Variants in ONECUT2 observed in about 807,000 individuals in gnomAD.
ONECUT2 encodes one cut homeobox 2.
Under a neutral mutation model 27.9 loss-of-function variants are expected in ONECUT2, and 10 were observed. That is an observed-to-expected ratio of 0.36 (90% confidence interval 0.22 to 0.61). The LOEUF (loss-of-function observed/expected upper bound fraction) is 0.61, where lower values mean the gene tolerates loss of function less well. ONECUT2 is among the 20% of genes least tolerant of loss of function. The pLI is 0.73. For synonymous variants in ONECUT2, 334 were observed against 315.1 expected (o/e 1.06, Z -0.64); for missense variants, 686 against 721.0 (o/e 0.95, Z 0.56).
Position 57,485,227 on chromosome 18 carries a change from T to C in ONECUT2, c.*8504T>C, listed in dbSNP as rs1056248976. 2 of 152,228 alleles carry C rather than the reference T, an allele frequency of 1.3e-5. No individual in the cohort carries two copies. Among genetic ancestry groups the C allele is most frequent in the African/African-American group, 4.8e-5 (2 of 41,460 alleles). The allele number at this position is 152,228 out of a possible 1,614,324, so 9.4% of individuals were successfully genotyped here. A position where few individuals can be genotyped will look rare whatever the true frequency, so the allele number is the denominator to read the frequency against. On this transcript the variant is annotated 3_prime_UTR_variant, in exon 2 of 2. Coordinates refer to ENST00000491143, the MANE Select transcript of ONECUT2 (RefSeq NM_004852.3). ...ATCAAGAAAGGGAACTTGACCACCA[T>C]TGGCACATGTGACATTTAAGCTCTT...
intron 1 of ONECUT2, among the ~76,000 whole-genome samples, chr18:57,473,721 A>G (rs998273865): frequency 2.0e-5 from 3 of 152,206 alleles, no homozygotes; most frequent in African/African-American, 7.2e-5. Flanking sequence ...CTGCGTTTTG[A>G]TGAGCCCTCC....
chr18:57,474,425 A>G (rs1354498302), intron 1 of ONECUT2, among the ~76,000 whole-genome samples: 1 of 152,192 alleles, frequency 6.6e-6, no homozygotes, highest in Non-Finnish European at 1.5e-5. Flanking sequence ...GTGCTTATAA[A>G]CAATAGAAGT....
At chr18:57,455,787 G>A (rs922724725) in intron 1 of ONECUT2, among the ~76,000 whole-genome samples, 9 of 151,508 alleles carry the variant, frequency 5.9e-5, no homozygotes, top group Admixed American at 1.3e-4. Context: ...GGGGAGGGAC[G>A]TCTTAGGGAA....
At position 57,436,175 on chromosome 18, in the gene ONECUT2, G is replaced by T. The variant is rs759271615; in HGVS notation, c.459G>T (p.Pro153=). 5 of 1,605,656 alleles carry T rather than the reference G, an allele frequency of 3.1e-6. No homozygotes were observed. Among genetic ancestry groups the T allele is most frequent in the African/African-American group, 1.3e-5 (1 of 74,820 alleles). ...GCAACACCTACACCACGCTGACACC[G>T]CTCCAGCCGCTGCCACCCATCTCCA... ...GMSNTYTTLT[P]LQPLPPISTV... The change falls in exon 1 of 2, where the codon CCG becomes CCT. Residue 153 remains proline (P), a synonymous_variant. Coordinates refer to ENST00000491143, the MANE Select transcript of ONECUT2 (RefSeq NM_004852.3). The surrounding 1 kb of genome is among the most constrained non-coding windows in gnomAD (Gnocchi z 5.9).
intron 1 of ONECUT2, among the ~76,000 whole-genome samples, chr18:57,473,369 G>A (rs1489871161): frequency 6.6e-6 from 1 of 152,222 alleles, no homozygotes; most frequent in Non-Finnish European, 1.5e-5. Context: ...CTAGCTCAGA[G>A]TTACTGGGGT....
At chr18:57,441,515 C>G (rs571656776) in intron 1 of ONECUT2, among the ~76,000 whole-genome samples, 1 of 152,362 alleles carries the variant, frequency 6.6e-6, no homozygotes, top group Admixed American at 6.5e-5. Flanking sequence ...CACCCCCTCC[C>G]CCGACCTCTG....
Position 57,481,257 on chromosome 18 carries a change from AT to A in ONECUT2, c.*4535del, listed in dbSNP as rs2122160885. 1 of 152,366 alleles carries A rather than the reference AT, an allele frequency of 6.6e-6. No homozygotes were observed. Among genetic ancestry groups the A allele is most frequent in the African/African-American group, 2.4e-5 (1 of 41,586 alleles). The allele number at this position is 152,366 out of a possible 1,614,324, so 9.4% of individuals were successfully genotyped here. A position where few individuals can be genotyped will look rare whatever the true frequency, so the allele number is the denominator to read the frequency against. ...AAGAAGTGTTTAGCTTGCACCATGC[AT>A]AAAGGTGCAGGCTAGTTGAACCAGG... On this transcript the variant is annotated 3_prime_UTR_variant, in exon 2 of 2. Transcript: ENST00000491143.
chr18:57,465,801 G>C (rs1044481938), intron 1 of ONECUT2, among the ~76,000 whole-genome samples: 2 of 152,144 alleles, frequency 1.3e-5, no homozygotes, highest in African/African-American at 4.8e-5. Context: ...CTGGATGTTA[G>C]TGCACTCATT....
chr18:57,457,661 C>T (rs957685849), intron 1 of ONECUT2, among the ~76,000 whole-genome samples: 4 of 152,156 alleles, frequency 2.6e-5, no homozygotes, highest in Admixed American at 2.0e-4. Context: ...TTCTTAAAAA[C>T]ATTTTTTATC....
rs1271324353 is a variant in ONECUT2 at position 57,477,603 on chromosome 18, A to G, written c.*880A>G. ...AATTGATGAGAATATGGCTTCAAGC[A>G]CATTTTGCAGTTTGCTACAAATTCT... On this transcript the variant is annotated 3_prime_UTR_variant, in exon 2 of 2. Transcript: ENST00000491143. 6.5e-6 allele frequency: 1 copy of G among 152,678 alleles called. No homozygotes were observed. The highest frequency in any genetic ancestry group is 1.5e-5 in the Non-Finnish European group (1 of 68,048). The allele number at this position is 152,678 out of a possible 1,614,324, so 9.5% of individuals were successfully genotyped here.
chr18:57,456,535 GA>G (rs2050260489), intron 1 of ONECUT2, among the ~76,000 whole-genome samples: 1 of 152,196 alleles, frequency 6.6e-6, no homozygotes, highest in African/African-American at 2.4e-5. Flanking sequence ...GAAGTGTCTA[GA>G]ATAGTCAAAC....
intron 1 of ONECUT2, among the ~76,000 whole-genome samples, chr18:57,469,804 T>G (rs1412727549): frequency 6.6e-6 from 1 of 152,192 alleles, no homozygotes; most frequent in African/African-American, 2.4e-5. Context: ...CTGTGCCAAG[T>G]GTTACAGCAA....
In ONECUT2 at chr18:57,484,050, T is replaced by C. The variant is rs745595197; in HGVS notation, c.*7327T>C. 2 of 152,604 alleles carry C rather than the reference T, an allele frequency of 1.3e-5. No individual in the cohort carries two copies. The highest frequency in any genetic ancestry group is 2.4e-5 in the African/African-American group (1 of 41,432). The allele number at this position is 152,604 out of a possible 1,614,324, so 9.5% of individuals were successfully genotyped here. ...AAGCTGAGACCCTGCTTCACCAGCC[T>C]GGATTTCGGGGCTTCTATACAGAAA... On this transcript the variant is annotated 3_prime_UTR_variant, in exon 2 of 2. Transcript: ENST00000491143.
intron 1 of ONECUT2, among the ~76,000 whole-genome samples, chr18:57,448,235 T>G (rs2050211579): frequency 6.6e-6 from 1 of 152,114 alleles, no homozygotes; most frequent in Admixed American, 6.5e-5. Context: ...AGACCTAATT[T>G]ATTGCTAAGG....
intron 1 of ONECUT2, among the ~76,000 whole-genome samples, chr18:57,439,054 G>T (rs2050159834): frequency 6.6e-6 from 1 of 152,212 alleles, no homozygotes; most frequent in Non-Finnish European, 1.5e-5. Flanking sequence ...ATCTCAGAGC[G>T]CTGCCGCCCC....
At chr18:57,465,311 C>T (rs1364009490) in intron 1 of ONECUT2, among the ~76,000 whole-genome samples, 2 of 152,136 alleles carry the variant, frequency 1.3e-5, no homozygotes, top group East Asian at 1.9e-4. Flanking sequence ...CACAGGTGCA[C>T]ACCACCCACG....
intron 1 of ONECUT2, among the ~76,000 whole-genome samples, chr18:57,447,460 A>G (rs1014141991): frequency 2.0e-5 from 3 of 152,238 alleles, no homozygotes; most frequent in African/African-American, 7.2e-5. Context: ...TCTCTGTGTG[A>G]GATCAGCGAT....
intron 1 of ONECUT2, among the ~76,000 whole-genome samples, chr18:57,444,139 G>C (rs1455381389): frequency 1.3e-5 from 2 of 152,214 alleles, no homozygotes; most frequent in South Asian, 2.1e-4. Flanking sequence ...GTCATACTAA[G>C]AAGAGCCAGT....
rs868573018 is a variant in ONECUT2 at position 57,435,992 on chromosome 18, C to A, written c.276C>A (p.Gly92=). 3 of 1,506,314 alleles carry A rather than the reference C, an allele frequency of 2.0e-6. No individual in the cohort carries two copies. Among genetic ancestry groups the A allele is most frequent in the Non-Finnish European group, 2.7e-6 (3 of 1,131,776 alleles). 93.3% of individuals were successfully genotyped at this position (1,506,314 alleles called of 1,614,324 possible). ...CTCCAACCGCGCACCAGGAGCTGGG[C>A]ACGGCGGCAGCGGCGGCAGCGGCGG... ...PPPPTAHQEL[G]TAAAAAAAAS... The change falls in exon 1 of 2, where the codon GGC becomes GGA. Residue 92 remains glycine, a synonymous_variant. Transcript: ENST00000491143.
Sources: gnomAD v4.1 joint callset for allele counts (sites outside exome capture counted in the v4.1 genomes callset) on GRCh38, gnomAD v4.1.1 for gene constraint, Gnocchi (gnomAD v3.1) non-coding constraint, MANE v1.5 for transcripts, NCBI Gene and HGNC (gene_info 2026-07-23, HGNC 2026-07-21) for gene names.